The following MDGA2 variants were observed in gnomAD, a reference collection of about 807,000 sequenced individuals.
The protein encoded by MDGA2 is MAM domain containing glycosylphosphatidylinositol anchor 2.
A neutral mutation model predicts 117.8 loss-of-function variants in MDGA2; 40 were observed. That is an observed-to-expected ratio of 0.34 (90% confidence interval 0.26 to 0.44). MDGA2 has a LOEUF of 0.44. Among genes scored for constraint, MDGA2 ranks in the 20% least tolerant of loss-of-function variants. The probability of loss-of-function intolerance (pLI) is 1.00; values close to 1 mark genes in which losing one functional copy is unlikely to be tolerated. For missense variants in MDGA2, 1,123 were observed against 1,250.6 expected (o/e 0.90, Z 1.54); for synonymous variants, 452 against 439.0 (o/e 1.03, Z -0.37).
chr14:47,433,246 C>G (rs79159790), intron 1 of MDGA2, among the ~76,000 whole-genome samples: 4,701 of 152,070 alleles, frequency 0.031, 79 homozygotes, highest in South Asian at 0.055. Context: ...AACCTTAAAA[C>G]AGCAGAGTTG....
At chr14:47,667,588 A>T (rs1897998500) in intron 1 of MDGA2, among the ~76,000 whole-genome samples, 1 of 152,218 alleles carries the variant, frequency 6.6e-6, no homozygotes, top group Non-Finnish European at 1.5e-5. Context: ...GCTTCAGATA[A>T]AAATATATGC....
intron 1 of MDGA2, among the ~76,000 whole-genome samples, chr14:47,454,989 G>A (rs1254167355): frequency 6.6e-6 from 1 of 152,142 alleles, no homozygotes; most frequent in East Asian, 1.9e-4. Flanking sequence ...TGATTGAAAG[G>A]CATTTATATA....
intron 1 of MDGA2, among the ~76,000 whole-genome samples, chr14:47,557,448 G>C (rs992880292): frequency 1.3e-5 from 2 of 152,114 alleles, no homozygotes; most frequent in African/African-American, 4.8e-5. Context: ...TAGGTCTACA[G>C]AACATCCCAG....
intron 15 of MDGA2, among the ~76,000 whole-genome samples, chr14:46,847,951 C>A (rs570292720): frequency 2.6e-5 from 4 of 152,016 alleles, no homozygotes; most frequent in African/African-American, 9.6e-5. Flanking sequence ...TGATATGTGT[C>A]CCTTACCTGA....
intron 8 of MDGA2, among the ~76,000 whole-genome samples, chr14:46,997,723 G>A (rs1887348219): frequency 6.6e-6 from 1 of 152,052 alleles, no homozygotes; most frequent in African/African-American, 2.4e-5. Context: ...GGCCTCAAGG[G>A]GCAGAGGAGA....
intron 1 of MDGA2, among the ~76,000 whole-genome samples, chr14:47,344,412 T>G (rs1890718193): frequency 6.6e-6 from 1 of 152,154 alleles, no homozygotes; most frequent in South Asian, 2.1e-4. Context: ...AATAGTTGAT[T>G]CTTCCCTTAA....
At chr14:47,452,233 A>T (rs1178523635) in intron 1 of MDGA2, among the ~76,000 whole-genome samples, 1 of 152,082 alleles carries the variant, frequency 6.6e-6, no homozygotes, top group Non-Finnish European at 1.5e-5. Flanking sequence ...CATTCAAAAC[A>T]TGTTCATAAG....
chr14:47,419,302 C>CA (rs1892532002), intron 1 of MDGA2, among the ~76,000 whole-genome samples: 1 of 151,450 alleles, frequency 6.6e-6, no homozygotes, highest in South Asian at 2.1e-4. Flanking sequence ...GAAGAATTCA[C>CA]AAAAGGAAGC....
At chr14:47,485,939 C>T (rs1022500048) in intron 1 of MDGA2, among the ~76,000 whole-genome samples, 1 of 152,182 alleles carries the variant, frequency 6.6e-6, no homozygotes, top group African/African-American at 2.4e-5. Context: ...TCATGGAGAA[C>T]CTCTGCTAGG....
intron 5 of MDGA2, among the ~76,000 whole-genome samples, chr14:47,116,204 T>A (rs1238283711): frequency 6.6e-6 from 1 of 151,972 alleles, no homozygotes; most frequent in Non-Finnish European, 1.5e-5. Flanking sequence ...TAAGCTTAAC[T>A]ACGGAAGCAA....
intron 8 of MDGA2, among the ~76,000 whole-genome samples, chr14:46,965,594 C>T (rs1885995910): frequency 6.6e-6 from 1 of 152,106 alleles, no homozygotes; most frequent in Non-Finnish European, 1.5e-5. Context: ...CATTATAGTG[C>T]ACTCAAGTCT....
At chr14:47,402,826 T>G (rs1892183662) in intron 1 of MDGA2, among the ~76,000 whole-genome samples, 1 of 152,088 alleles carries the variant, frequency 6.6e-6, no homozygotes, top group Non-Finnish European at 1.5e-5. Context: ...CATTAAGTAT[T>G]ATAGTTAATT....
At chr14:47,198,473 G>A (rs1222591111) in intron 3 of MDGA2, among the ~76,000 whole-genome samples, 1 of 152,180 alleles carries the variant, frequency 6.6e-6, no homozygotes, top group Non-Finnish European at 1.5e-5. Flanking sequence ...TCGGGAGGCT[G>A]AGGCAGGAGA....
chr14:47,507,247 G>A (rs992569299), intron 1 of MDGA2, among the ~76,000 whole-genome samples: 6 of 152,090 alleles, frequency 3.9e-5, no homozygotes, highest in African/African-American at 1.2e-4. Flanking sequence ...AGGAGATAAT[G>A]GAGACTGGTT....
rs1417357927 is a variant in MDGA2 at position 47,585,486 on chromosome 14, G to A, written c.280+89031C>T. ...TACACATTTCGGAAAGTGCTATAAGGATTAAATGAGAATACAAACACAGGG... is the reference window on the plus strand; with the variant it reads ...TACACATTTCGGAAAGTGCTATAAGAATTAAATGAGAATACAAACACAGGG... On this transcript the variant is annotated intron_variant, in intron 1 of 16. Coordinates refer to ENST00000399232, the MANE Select transcript of MDGA2 (RefSeq NM_001113498.3). Among the ~76,000 whole-genome samples the A allele has an allele frequency of 3.3e-5, 5 of 151,974 alleles. No homozygotes were observed. In the East Asian group the frequency reaches 9.7e-4, roughly 29 times the overall value.
At chr14:47,505,738 T>C (rs544709388) in intron 1 of MDGA2, among the ~76,000 whole-genome samples, 2 of 152,328 alleles carry the variant, frequency 1.3e-5, no homozygotes, top group South Asian at 4.1e-4. Context: ...AAAATATAAT[T>C]TGAATTGAAA....
intron 3 of MDGA2, among the ~76,000 whole-genome samples, chr14:47,175,835 A>G (rs1173732451): frequency 1.3e-5 from 2 of 151,292 alleles, no homozygotes; most frequent in East Asian, 2.0e-4. Context: ...AAGGGTATTC[A>G]ATTAGGAAAA....
intron 1 of MDGA2, among the ~76,000 whole-genome samples, chr14:47,589,584 T>C (rs896996517): frequency 1.3e-5 from 2 of 152,012 alleles, no homozygotes; most frequent in African/African-American, 4.8e-5. Flanking sequence ...AGTAAGTTTT[T>C]ATATCAGGTC....
At chr14:46,958,815 T>C in intron 8 of MDGA2, among the ~76,000 whole-genome samples, 1 of 152,228 alleles carries the variant, frequency 6.6e-6, no homozygotes, top group East Asian at 1.9e-4. Flanking sequence ...GATAAAATAG[T>C]CCACATGTTT....
Sources: gnomAD v4.1 joint callset for allele counts (sites outside exome capture counted in the v4.1 genomes callset) on GRCh38, gnomAD v4.1.1 for gene constraint, MANE v1.5 for transcripts, NCBI Gene and HGNC (gene_info 2026-07-23, HGNC 2026-07-21) for gene names.